Variants in FCMR observed in about 807,000 individuals in gnomAD.
FCMR encodes the protein Fc mu receptor, also known as immunoglobulin mu Fc receptor.
Under a neutral mutation model 41.6 loss-of-function variants are expected in FCMR, and 34 were observed. The observed-to-expected ratio is 0.82, with a 90% confidence interval of 0.62 to 1.09. The LOEUF (loss-of-function observed/expected upper bound fraction) is 1.09, where lower values mean the gene tolerates loss of function less well. Among genes scored for constraint, FCMR ranks in the 50% least tolerant of loss-of-function variants. The pLI is 0.00. For missense variants in FCMR, 496 were observed against 512.5 expected (o/e 0.97, Z 0.31); for synonymous variants, 209 against 211.8 (o/e 0.99, Z 0.12).
At chr1:206,920,430 G>C (rs1392463782) in intron 1 of FCMR, among the ~76,000 whole-genome samples, 1 of 148,404 alleles carries the variant, frequency 6.7e-6, no homozygotes, top group Admixed American at 6.7e-5. Context: ...ACTCCAGTCG[G>C]GGCAACAGAG....
At chr1:206,917,223 G>GCACCCACT (rs1199797403) in intron 1 of FCMR, among the ~76,000 whole-genome samples, 1 of 152,180 alleles carries the variant, frequency 6.6e-6, no homozygotes. Flanking sequence ...AGGGACTCTG[G>GCACCCACT]CACCCACTTA....
chr1:206,904,602 G>A lies in FCMR; in HGVS notation c.*417C>T, dbSNP rs768742548. ...CTCAGAGCAAGAGCCTTCTATTTGT[G>A]TAAGACCCAACCCTGGGAAGGATGC... On this transcript the variant is annotated 3_prime_UTR_variant, in exon 8 of 8. Coordinates refer to ENST00000367091, the MANE Select transcript of FCMR (RefSeq NM_005449.5). 2 of 216,020 alleles carry A rather than the reference G, an allele frequency of 9.3e-6. No individual in the cohort carries two copies. The highest frequency in any genetic ancestry group is 4.5e-5 in the African/African-American group (2 of 44,478). 13.4% of individuals were successfully genotyped at this position (216,020 alleles called of 1,614,324 possible).
Position 206,903,515 on chromosome 1 carries a change from A to T in FCMR, c.*1504T>A, listed in dbSNP as rs1678484021. 1 of 162,372 alleles carries T rather than the reference A, an allele frequency of 6.2e-6. No individual in the cohort carries two copies. Among genetic ancestry groups the T allele is most frequent in the Non-Finnish European group, 1.4e-5 (1 of 73,582 alleles). 10.1% of individuals were successfully genotyped at this position (162,372 alleles called of 1,614,324 possible). ...TTAAAAAACAGAGAGGGATGCTTGG[A>T]TGTAAAACTGAACTTCAGAGCATGA... On this transcript the variant is annotated 3_prime_UTR_variant, in exon 8 of 8. Transcript: ENST00000367091.
At chr1:206,911,997 T>C (rs1410166432) in intron 3 of FCMR, 45 bp from the exon 4 acceptor site, 1 of 1,452,058 alleles carries the variant, frequency 6.9e-7, no homozygotes, top group South Asian at 1.2e-5. Flanking sequence ...TTATACACTC[T>C]ATTCTCCAAC....
chr1:206,914,640 C>A (rs1180058675), intron 1 of FCMR, among the ~76,000 whole-genome samples: 1 of 151,780 alleles, frequency 6.6e-6, no homozygotes, highest in Non-Finnish European at 1.5e-5. Flanking sequence ...ATTATGTTGC[C>A]CACGCTGTTC....
At chr1:206,921,741 G>A (rs1322254157) in intron 1 of FCMR, 77 bp downstream of exon 1, 16 of 1,348,660 alleles carry the variant, frequency 1.2e-5, no homozygotes, top group South Asian at 8.2e-5. Context: ...CAGAGCTAGA[G>A]CTACCAGGCA....
intron 7 of FCMR, among the ~76,000 whole-genome samples, chr1:206,905,550 A>G (rs189168113): frequency 6.6e-6 from 1 of 152,306 alleles, no homozygotes; most frequent in East Asian, 1.9e-4. Flanking sequence ...GGGCTCAGAG[A>G]TGCTGTGATG....
intron 1 of FCMR, among the ~76,000 whole-genome samples, chr1:206,920,192 A>G (rs1399164099): frequency 6.6e-6 from 1 of 152,038 alleles, no homozygotes; most frequent in South Asian, 2.1e-4. Context: ...CAGTGGCTCA[A>G]GCCTGTAATC....
chr1:206,911,926 C>G lies in FCMR; in HGVS notation c.514G>C (p.Val172Leu), dbSNP rs1171820744. ...GGGGAGGAGTGGTGAACTGGAGGGA[C>G]CTTGCCCCTTTGAGCTGGTGTGGTA... is the stretch of plus-strand genomic sequence containing the variant. ...RVTTPAQRGK[V>L]PPVHHSSPTT... The change falls in exon 4 of 8, where the codon GTC becomes CTC. Residue 172 changes from valine to leucine, a missense_variant. Coordinates refer to ENST00000367091, the MANE Select transcript of FCMR (RefSeq NM_005449.5). The G allele has an allele frequency of 6.2e-7, 1 of 1,608,576 alleles. No homozygotes were observed. The highest frequency in any genetic ancestry group is 1.7e-5 in the Admixed American group (1 of 58,082).
In FCMR at chr1:206,909,795, C is replaced by T; in HGVS notation, c.915G>A (p.Ser305=). The stretch of plus-strand genomic sequence containing the variant: ...TGTTGTTTTGGGAGCGCGGTCGCGG[C>T]GACCCGCGGGGCCTCTGGGAGCTCT... ...ALESSQRPRG[S]PRPRSQNNIY... Residue 305 remains serine, a synonymous_variant, in exon 6 of 8, where the codon TCG becomes TCA. Coordinates refer to ENST00000367091, the MANE Select transcript of FCMR (RefSeq NM_005449.5). This position sits in a 1 kb window ranked among gnomAD's most constrained non-coding sequence, Gnocchi z 5.0. 6.9e-7 allele frequency: 1 copy of T among 1,442,962 alleles called. No homozygotes were observed. Among genetic ancestry groups the T allele is most frequent in the Admixed American group, 3.0e-5 (1 of 33,236 alleles). The allele number at this position is 1,442,962 out of a possible 1,614,324, so 89.4% of individuals were successfully genotyped here. A position where few individuals can be genotyped will look rare whatever the true frequency, so the allele number is the denominator to read the frequency against.
chr1:206,918,650 AGTGTGTGTGTGT>A (rs10652847), intron 1 of FCMR, among the ~76,000 whole-genome samples: 9 of 145,984 alleles, frequency 6.2e-5, no homozygotes, highest in East Asian at 4.1e-4. Context: ...ATAAATTTTA[AGTGTGTGTGTGT>A]GTGTGTGTGT....
chr1:206,910,077 C>T (rs1192329472), intron 5 of FCMR, 133 bp downstream of exon 5: 1 of 1,186,932 alleles, frequency 8.4e-7, no homozygotes, highest in South Asian at 1.7e-5. Flanking sequence ...GTGGCCCCCA[C>T]TTCCCTAACT....
chr1:206,918,522 C>T (rs907063358), intron 1 of FCMR, among the ~76,000 whole-genome samples: 1 of 152,132 alleles, frequency 6.6e-6, no homozygotes, highest in Non-Finnish European at 1.5e-5. Context: ...AAACTTAGGA[C>T]AGCTGAGAAA....
chr1:206,913,506 C>G (rs1003738079), intron 2 of FCMR: 1 of 550,784 alleles, frequency 1.8e-6, no homozygotes, highest in East Asian at 2.9e-5. Flanking sequence ...CCTCTACTCC[C>G]CTCATGCCCT....
At chr1:206,919,857 C>T (rs1356495) in intron 1 of FCMR, among the ~76,000 whole-genome samples, 14,041 of 152,228 alleles carry the variant, frequency 0.092, 2,178 homozygotes, top group African/African-American at 0.32. Context: ...ACCGTGCCCT[C>T]CTATGTCCTA....
chr1:206,916,970 C>T (rs746751646), intron 1 of FCMR, among the ~76,000 whole-genome samples: 78 of 152,266 alleles, frequency 5.1e-4, no homozygotes, highest in Non-Finnish European at 7.6e-4. Context: ...GAGAAGGCAT[C>T]GAAAGGAACC....
intron 3 of FCMR, among the ~76,000 whole-genome samples, chr1:206,912,464 A>T (rs1443859726): frequency 6.6e-6 from 1 of 152,252 alleles, no homozygotes; most frequent in Non-Finnish European, 1.5e-5. Flanking sequence ...GGATGATGAT[A>T]TCAAAATGTA....
In FCMR at chr1:206,916,874, A is replaced by G. The variant is rs546035350; in HGVS notation, c.38-2780T>C. On this transcript the variant is annotated intron_variant, in intron 1 of 7. Transcript: ENST00000367091. The stretch of plus-strand genomic sequence containing the variant: ...ATGGTCTAGAAATACGTGTTTTTAA[A>G]CAGGTGTCCCAGGTGCTCTTGCATT... Among the ~76,000 whole-genome samples the G allele has an allele frequency of 1.3e-3, 195 of 152,328 alleles. 3 individuals carry two copies. Among genetic ancestry groups the G allele is most frequent in the Non-Finnish European group, 1.1e-3 (74 of 68,022 alleles).
chr1:206,912,281 C>T (rs1678977166), intron 3 of FCMR, among the ~76,000 whole-genome samples: 3 of 152,164 alleles, frequency 2.0e-5, no homozygotes, highest in Admixed American at 1.3e-4. Context: ...TCTATTCTCC[C>T]CCATTTCACA....
Sources: allele counts gnomAD v4.1 joint callset (sites outside exome capture counted in the v4.1 genomes callset), GRCh38; gene constraint gnomAD v4.1.1; non-coding constraint Gnocchi (gnomAD v3.1); transcripts MANE v1.5; gene names NCBI Gene and HGNC (gene_info 2026-07-23, HGNC 2026-07-21).